PLAC1: variants seen among roughly 807,000 people sequenced by gnomAD.
PLAC1 encodes the protein placenta-specific protein 1.
For missense variants in PLAC1, 136 were observed against 163.2 expected (o/e 0.83, Z 0.91); for synonymous variants, 68 against 62.1 (o/e 1.09, Z -0.44).
At chrX:134,707,778 A>G (rs1178690382) in intron 2 of PLAC1, among the ~76,000 whole-genome samples, 1 of 112,364 alleles carries the variant, frequency 8.9e-6, no homozygotes, top group Non-Finnish European at 1.9e-5. Context: ...TTTGATGGTT[A>G]AAGCAAAAAG....
intron 2 of PLAC1, among the ~76,000 whole-genome samples, chrX:134,585,252 A>G (rs2077994595): frequency 9.5e-6 from 1 of 105,049 alleles, no homozygotes; most frequent in African/African-American, 3.4e-5. Context: ...AGGCTGAGGC[A>G]GGAGAATCGC....
intron 1 of PLAC1, among the ~76,000 whole-genome samples, chrX:134,612,709 CAA>C (rs1240121339): frequency 1.8e-5 from 2 of 112,072 alleles, no homozygotes; most frequent in African/African-American, 6.5e-5. Flanking sequence ...TCAATCACAA[CAA>C]AGTCATTTTT....
rs1407669456 is a variant in PLAC1 at position 134,704,355 on chromosome X, T to C, written n.174+29080A>G. ...TAAAAATACAAAAATTAGCTGGGCG[T>C]GGTGTTGCATGCCTGTAATCCCAGC... is the stretch of plus-strand genomic sequence containing the variant. On this transcript the variant is annotated intron_variant and non_coding_transcript_variant, in intron 2 of 2. Transcript: ENST00000466797. Among the ~76,000 whole-genome samples, 3 of 106,225 alleles carry C rather than the reference T, an allele frequency of 2.8e-5. No homozygotes were observed. In the East Asian group the frequency reaches 8.8e-4, roughly 31 times the overall value. 92.2% of individuals were successfully genotyped at this position (106,225 alleles called of 115,157 possible).
intron 2 of PLAC1, among the ~76,000 whole-genome samples, chrX:134,598,775 G>A (rs1296771824): frequency 2.7e-5 from 3 of 111,714 alleles, no homozygotes; most frequent in African/African-American, 9.8e-5. Flanking sequence ...ATGAAATTCA[G>A]TAAAAAGCAA....
At chrX:134,737,275 G>T (rs1010899671) in intron 1 of PLAC1, among the ~76,000 whole-genome samples, 2 of 112,349 alleles carry the variant, frequency 1.8e-5, no homozygotes, top group African/African-American at 6.5e-5. Context: ...TGGCCTCCAA[G>T]TCCCTTAATC....
chrX:134,567,630 C>T (rs951830658), intron 2 of PLAC1, among the ~76,000 whole-genome samples: 6 of 108,919 alleles, frequency 5.5e-5, no homozygotes, highest in African/African-American at 1.7e-4. Context: ...TGGTGGTGCA[C>T]GCCTGTAGTA....
chrX:134,735,633 A>C (rs1388253006), intron 1 of PLAC1, among the ~76,000 whole-genome samples: 1 of 109,379 alleles, frequency 9.1e-6, no homozygotes, highest in Non-Finnish European at 1.9e-5. Flanking sequence ...CAGGGAAGAG[A>C]GAGAGAAAGC....
intron 2 of PLAC1, among the ~76,000 whole-genome samples, chrX:134,569,739 AGTGTGTGTGT>A (rs749953575): frequency 0.031 from 2,223 of 72,134 alleles, 92 homozygotes; most frequent in African/African-American, 0.1. Flanking sequence ...AGGGTAGAGT[AGTGTGTGTGT>A]GTGTGTGTGT....
At chrX:134,593,697 A>G (rs2078050108) in intron 2 of PLAC1, among the ~76,000 whole-genome samples, 2 of 111,880 alleles carry the variant, frequency 1.8e-5, no homozygotes, top group African/African-American at 6.5e-5. Flanking sequence ...GTGTTTATGT[A>G]TTCATTATTA....
chrX:134,593,103 G>A (rs769055550), intron 2 of PLAC1, among the ~76,000 whole-genome samples: 1 of 111,744 alleles, frequency 8.9e-6, no homozygotes, highest in South Asian at 3.7e-4. Flanking sequence ...CTGGAGAACC[G>A]TGACTACTAC....
intron 2 of PLAC1, among the ~76,000 whole-genome samples, chrX:134,681,680 A>G (rs1034794153): frequency 9.0e-6 from 1 of 111,386 alleles, no homozygotes; most frequent in Non-Finnish European, 1.9e-5. Flanking sequence ...GAAGGCAGAG[A>G]TCTTTTGCTT....
intron 1 of PLAC1, chrX:134,607,570 G>A (rs1026993027): frequency 1.1e-4 from 18 of 167,706 alleles, no homozygotes; most frequent in African/African-American, 5.8e-4. Flanking sequence ...AGCACACTGT[G>A]CAAGAACCAG....
At chrX:134,627,198 C>A (rs1001730952) in intron 1 of PLAC1, among the ~76,000 whole-genome samples, 1 of 111,846 alleles carries the variant, frequency 8.9e-6, no homozygotes, top group Non-Finnish European at 1.9e-5. Flanking sequence ...TCCCTTTCTT[C>A]CTGTAATTAG....
At position 134,566,135 on chromosome X, in the gene PLAC1, G is replaced by A. The variant is rs1456200719; in HGVS notation, c.548C>T (p.Ala183Val). 1.7e-6 allele frequency: 2 copies of A among 1,208,431 alleles called. No individual in the cohort carries two copies. Among genetic ancestry groups the A allele is most frequent in the Admixed American group, 2.2e-5 (1 of 45,766 alleles). ...TGGCTGCAGAGGTTGAGCCTCCTGA[G>A]CCCCTGCTTGGTGACAAGGGACCTG... ...HTQVPCHQAG[A>V]QEAQPLQPSH... Residue 183 changes from alanine (A) to valine (V), a missense_variant, in exon 3 of 3, where the codon GCT (alanine) becomes GTT (valine). Transcript: ENST00000359237.
intron 2 of PLAC1, among the ~76,000 whole-genome samples, chrX:134,577,411 G>A (rs893401672): frequency 1.8e-5 from 2 of 111,831 alleles, no homozygotes; most frequent in Non-Finnish European, 3.8e-5. Flanking sequence ...ATCTTTGGCC[G>A]GGTGCAGTGG....
In PLAC1 at chrX:134,688,907, T is replaced by C. The variant is rs989826399; in HGVS notation, n.174+44528A>G. 1.6e-4 allele frequency among the ~76,000 whole-genome samples: 18 copies of C among 111,848 alleles called. No individual in the cohort carries two copies. The Admixed American group carries it at 1.6e-3, about 10-fold the overall frequency. On this transcript the variant is annotated intron_variant and non_coding_transcript_variant, in intron 2 of 2. Coordinates refer to the PLAC1 transcript ENST00000466797. ...TTTCTTTACCACCTCCAACTCTTTATGTCCAAAACCAAATGTTTCACCTTT... is the reference window on the plus strand; with the variant it reads ...TTTCTTTACCACCTCCAACTCTTTACGTCCAAAACCAAATGTTTCACCTTT...
At position 134,697,559 on chromosome X, in the gene PLAC1, A is replaced by G. The variant is rs139020215; in HGVS notation, n.174+35876T>C. The stretch of plus-strand genomic sequence containing the variant: ...TGTTTTAGGCTCAAGGGATACATCT[A>G]TAAACAAAGTGGAAAAACAAAACAC... On this transcript the variant is annotated intron_variant and non_coding_transcript_variant, in intron 2 of 2. Transcript: ENST00000466797. Among the ~76,000 whole-genome samples the G allele has an allele frequency of 3.1e-3, 353 of 112,345 alleles. 1 individual carries two copies. Among genetic ancestry groups the G allele is most frequent in the African/African-American group, 0.011 (336 of 30,916 alleles).
chrX:134,589,042 C>G (rs2078020979), intron 2 of PLAC1, among the ~76,000 whole-genome samples: 1 of 111,697 alleles, frequency 9.0e-6, no homozygotes, highest in Non-Finnish European at 1.9e-5. Context: ...CGACTTTGAG[C>G]ATGTTCCCCC....
chrX:134,637,790 G>A (rs954172229), intron 1 of PLAC1, among the ~76,000 whole-genome samples: 3 of 111,777 alleles, frequency 2.7e-5, no homozygotes, highest in Non-Finnish European at 5.7e-5. Flanking sequence ...AGAGGTTGCA[G>A]TGAGCTGAGA....
Sources: gnomAD v4.1 joint callset for allele counts (sites outside exome capture counted in the v4.1 genomes callset) on GRCh38, gnomAD v4.1.1 for gene constraint, MANE v1.5 for transcripts, NCBI Gene and HGNC (gene_info 2026-07-23, HGNC 2026-07-21) for gene names.